Variants in NBEA observed in about 807,000 individuals in gnomAD.
NBEA encodes lysosomal-trafficking regulator 2.
In NBEA, 44 loss-of-function variants were observed where a neutral mutation model predicts 343.4. The ratio of observed to expected loss-of-function variants is 0.13; its 90% CI spans 0.10 to 0.16. The LOEUF (loss-of-function observed/expected upper bound fraction) is 0.16. Ranked by LOEUF, NBEA falls within the 10% of genes least tolerant of loss-of-function variation. NBEA has a pLI of 1.00. For synonymous variants in NBEA, 1,175 were observed against 1,238.7 expected, an observed-to-expected ratio of 0.95 and a Z score of 1.08; for missense variants, 2,555 against 3,631.3, an observed-to-expected ratio of 0.70 and a Z score of 7.62.
intron 49 of NBEA, 61 bp from the exon 50 acceptor site, chr13:35,645,808 C>G (rs2084199431): frequency 9.4e-7 from 1 of 1,061,652 alleles, no homozygotes; most frequent in Non-Finnish European, 1.4e-6. Context: ...CTATAACTTT[C>G]TGAATTTTAT....
At position 35,154,195 on chromosome 13, in the gene NBEA, T is replaced by C. The variant is rs1175861703; in HGVS notation, c.2446-1579T>C. 7.3e-4 allele frequency among the ~76,000 whole-genome samples: 111 copies of C among 152,194 alleles called. 2 individuals are homozygous for C. Among genetic ancestry groups the C allele is most frequent in the Admixed American group, 7.2e-3 (110 of 15,270 alleles). On this transcript the variant is annotated intron_variant, in intron 18 of 58. Transcript: ENST00000379939. ...TTTATGAACATTCCTAATATACTTA[T>C]GTAAATGTCCTGTCTTAGTCTGAGC...
At position 35,452,098 on chromosome 13, in the gene NBEA, A is replaced by C. The variant is rs749565403; in HGVS notation, c.6311A>C (p.Glu2104Ala). 9.9e-6 allele frequency: 16 copies of C among 1,611,696 alleles called. No homozygotes were observed. Among genetic ancestry groups the C allele is most frequent in the Non-Finnish European group, 1.4e-5 (16 of 1,178,740 alleles). The change falls in exon 40 of 59, where the codon GAA (glutamate) becomes GCA (alanine). Residue 2104 changes from glutamate (E) to alanine (A), a missense_variant. Glu to Ala is a moderately radical substitution (Grantham distance 107). Transcript: ENST00000379939. ...ATATTTTTGTTGTGATTAGGCACGGAAGAAGATGTAGTAAAGTCAAAGAAA... is the reference window on the plus strand; with the variant it reads ...ATATTTTTGTTGTGATTAGGCACGGCAGAAGATGTAGTAAAGTCAAAGAAA... ...LLKAAIEYGTEEDVVKSKKTF... is the reference protein window; with the variant it reads ...LLKAAIEYGTAEDVVKSKKTF...
At chr13:34,969,509 G>C (rs1194347313) in intron 1 of NBEA, among the ~76,000 whole-genome samples, 1 of 151,842 alleles carries the variant, frequency 6.6e-6, no homozygotes, top group African/African-American at 2.4e-5. Context: ...CATCACCTAG[G>C]TATTAGCCTA....
Position 35,110,862 on chromosome 13 carries a change from C to A in NBEA, c.1886C>A (p.Thr629Asn). Residue 629 changes from threonine (T) to asparagine (N), a missense_variant, in exon 13 of 59, where the codon ACC becomes AAC. Physicochemically the swap from Thr to Asn is moderately conservative, Grantham distance 65. Around this residue, in one of 21 missense-constraint regions of NBEA, gnomAD observed 360 missense variants for 519.1 expected, o/e 0.69. Coordinates refer to ENST00000379939, the MANE Select transcript of NBEA (RefSeq NM_001385012.1). Reference sequence around the variant, plus strand: ...TCTGCTGAATTTATTGGAACTGCTACCATCTACACCACCATACGCAGAGTA... The same window carrying A: ...TCTGCTGAATTTATTGGAACTGCTAACATCTACACCACCATACGCAGAGTA... ...YLSAEFIGTA[T>N]IYTTIRRVGT... The A allele has an allele frequency of 1.2e-6, 2 of 1,612,038 alleles. No homozygotes were observed. Among genetic ancestry groups the A allele is most frequent in the East Asian group, 4.5e-5 (2 of 44,704 alleles).
intron 49 of NBEA, among the ~76,000 whole-genome samples, chr13:35,645,602 G>A (rs570080380): frequency 1.3e-5 from 2 of 152,024 alleles, no homozygotes; most frequent in African/African-American, 4.8e-5. Flanking sequence ...TTTCTTTTTT[G>A]GGTGAGTTCT....
At chr13:35,287,751 G>A (rs536913102) in intron 34 of NBEA, among the ~76,000 whole-genome samples, 1 of 151,990 alleles carries the variant, frequency 6.6e-6, no homozygotes, top group Admixed American at 6.6e-5. Context: ...ATGTAGCTCT[G>A]CAGCAAACAG....
At position 35,173,537 on chromosome 13, in the gene NBEA, T is replaced by G. The variant is rs773025846; in HGVS notation, c.4497T>G (p.His1499Gln). ...RQRDRGNKSSHGSSKPQEVPQ... is the reference protein window; with the variant it reads ...RQRDRGNKSSQGSSKPQEVPQ... ...GAGACAGGGGAAATAAATCTTCCCA[T>G]GGAAGCAGTAAACCTCAGGAAGTTC... Residue 1499 changes from histidine (H) to glutamine (Q), a missense_variant, in exon 27 of 59, where the codon CAT becomes CAG. Physicochemically the swap from His to Gln is conservative, Grantham distance 24. Around this residue, in one of 21 missense-constraint regions of NBEA, gnomAD observed 168 missense variants for 193.0 expected, o/e 0.87. Transcript: ENST00000379939. 1 of 1,612,150 alleles carries G rather than the reference T, an allele frequency of 6.2e-7. No homozygotes were observed. Among genetic ancestry groups the G allele is most frequent in the African/African-American group, 1.3e-5 (1 of 74,966 alleles).
chr13:35,098,771 C>A (rs1047082357), intron 11 of NBEA, among the ~76,000 whole-genome samples: 1 of 152,052 alleles, frequency 6.6e-6, no homozygotes, highest in African/African-American at 2.4e-5. Flanking sequence ...CCATTTATAA[C>A]TTTCTAAATT....
chr13:35,475,053 C>A (rs371299881), intron 41 of NBEA: 2 of 1,607,810 alleles, frequency 1.2e-6, no homozygotes, highest in Non-Finnish European at 1.7e-6. Flanking sequence ...TTGATTAAAT[C>A]ATCCTCTAAA....
At chr13:35,636,768 G>A (rs1263687312) in intron 49 of NBEA, among the ~76,000 whole-genome samples, 1 of 152,188 alleles carries the variant, frequency 6.6e-6, no homozygotes, top group Admixed American at 6.6e-5. Context: ...CCTCTACTTA[G>A]GTACCATTTA....
Position 35,649,737 on chromosome 13 carries a change from C to A in NBEA, c.7853C>A (p.Ser2618Tyr), listed in dbSNP as rs1367812093. The change falls in exon 52 of 59, where the codon TCT (serine) becomes TAT (tyrosine). Residue 2618 changes from serine to tyrosine, a missense_variant. Transcript: ENST00000379939. ...ATGGTGCTGAAGTTTCCTTCAAATTCTCCAGTAACCCATGTGGCAGCCAAC... is the reference window on the plus strand; with the variant it reads ...ATGGTGCTGAAGTTTCCTTCAAATTATCCAGTAACCCATGTGGCAGCCAAC... ...VIMVLKFPSN[S>Y]PVTHVAANTL... The A allele has an allele frequency of 6.2e-7, 1 of 1,613,866 alleles. No individual in the cohort carries two copies. Among genetic ancestry groups the A allele is most frequent in the Non-Finnish European group, 8.5e-7 (1 of 1,179,890 alleles).
At chr13:35,615,968 T>C (rs140305903) in intron 48 of NBEA, among the ~76,000 whole-genome samples, 96 of 152,296 alleles carry the variant, frequency 6.3e-4, no homozygotes, top group Non-Finnish European at 1.1e-3. Flanking sequence ...GCTGAGGAAG[T>C]GCCAGCTCTC....
intron 33 of NBEA, 127 bp from the exon 34 acceptor site, chr13:35,232,365 G>T (rs2075023844): frequency 4.5e-6 from 3 of 660,036 alleles, no homozygotes; most frequent in African/African-American, 1.8e-5. Context: ...TATACATGAA[G>T]CTTGTTATTA....
chr13:35,232,843 A>G (rs571128066), intron 34 of NBEA, among the ~76,000 whole-genome samples: 30 of 152,110 alleles, frequency 2.0e-4, no homozygotes, highest in Non-Finnish European at 4.1e-4. Flanking sequence ...AAGAACGTTG[A>G]AAAGGTGTCA....
intron 37 of NBEA, among the ~76,000 whole-genome samples, chr13:35,349,856 A>G (rs1176531807): frequency 6.6e-6 from 1 of 152,090 alleles, no homozygotes; most frequent in East Asian, 1.9e-4. Flanking sequence ...TGAGTCATAC[A>G]AGTTGATAGA....
intron 36 of NBEA, among the ~76,000 whole-genome samples, chr13:35,329,888 C>G (rs1023203420): frequency 6.6e-6 from 1 of 151,942 alleles, no homozygotes; most frequent in Admixed American, 6.6e-5. Context: ...AGAAGGCCTT[C>G]GCTTATCTGG....
At chr13:35,390,859 G>A (rs2152899373) in intron 38 of NBEA, among the ~76,000 whole-genome samples, 1 of 152,094 alleles carries the variant, frequency 6.6e-6, no homozygotes, top group South Asian at 2.1e-4. Flanking sequence ...TGTGTTATCA[G>A]TGTACATGTT....
chr13:35,051,372 G>A (rs1193612355), intron 6 of NBEA, among the ~76,000 whole-genome samples: 3 of 149,552 alleles, frequency 2.0e-5, no homozygotes, highest in African/African-American at 5.0e-5. Context: ...TTTCTTTTTC[G>A]TATCTTTTTT....
At chr13:35,153,128 G>C (rs568175363) in intron 18 of NBEA, among the ~76,000 whole-genome samples, 1 of 146,858 alleles carries the variant, frequency 6.8e-6, no homozygotes, top group South Asian at 2.2e-4. Flanking sequence ...CACCTCCCAA[G>C]TTCACGCCAT....
Sources: gnomAD v4.1 joint callset for allele counts (sites outside exome capture counted in the v4.1 genomes callset) on GRCh38, gnomAD v4.1.1 for gene constraint, gnomAD v4.1.1 regional missense constraint, MANE v1.5 for transcripts, NCBI Gene and HGNC (gene_info 2026-07-23, HGNC 2026-07-21) for gene names.